Variants in KCNMA1 observed in about 807,000 individuals in gnomAD.
KCNMA1 encodes the protein potassium calcium-activated channel subfamily M alpha 1, also known as Calcium-activated potassium channel subunit alpha-1.
In KCNMA1, 29 loss-of-function variants were observed where a neutral mutation model predicts 140.0. The observed-to-expected ratio is 0.21, with a 90% confidence interval of 0.15 to 0.28. The LOEUF is 0.28. Among genes scored for constraint, KCNMA1 ranks in the 10% least tolerant of loss-of-function variants. The pLI is 1.00. For missense variants in KCNMA1, 880 were observed against 1,602.2 expected (o/e 0.55, Z 7.70); for synonymous variants, 612 against 611.9 (o/e 1.00, Z 0.00).
rs138983946 is a variant in KCNMA1 at position 76,959,161 on chromosome 10, C to T, written c.2361-5237G>A. 1.8e-4 allele frequency among the ~76,000 whole-genome samples: 28 copies of T among 152,304 alleles called. No homozygotes were observed. In the East Asian group the frequency reaches 4.6e-3, roughly 25 times the overall value. On this transcript the variant is annotated intron_variant, in intron 20 of 27. Transcript: ENST00000286628. The stretch of plus-strand genomic sequence containing the variant: ...CTCTGCCAGAGTGGTAACTTCTCTC[C>T]GTCTTTAACTTAGACATGCATTTGA...
chr10:76,969,882 G>C, intron 20 of KCNMA1, 92 bp downstream of exon 20: 1 of 988,824 alleles, frequency 1.0e-6, no homozygotes, highest in South Asian at 1.3e-5. Flanking sequence ...GCTGGGGAGG[G>C]GAGACTCTGG....
intron 2 of KCNMA1, among the ~76,000 whole-genome samples, chr10:77,278,721 A>T (rs2067441562): frequency 6.6e-6 from 1 of 152,252 alleles, no homozygotes; most frequent in Non-Finnish European, 1.5e-5. Context: ...GAATCACATG[A>T]CGATTCGTTA....
Position 76,953,873 on chromosome 10 carries a change from G to A in KCNMA1, c.2412C>T (p.Ser804=). The A allele has an allele frequency of 6.2e-7, 1 of 1,613,972 alleles. No homozygotes were observed. The highest frequency in any genetic ancestry group is 8.5e-7 in the Non-Finnish European group (1 of 1,179,888). The change falls in exon 21 of 28, where the codon TCC becomes TCT. Residue 804 remains serine (S), a synonymous_variant. Coordinates refer to ENST00000286628, the MANE Select transcript of KCNMA1 (RefSeq NM_001161352.2). ...CAGTAGAGTCGTACTTCTTCACATT[G>A]GAGTCCATGTTGTCAATCTGATCAT... ...PGNDQIDNMD[S]NVKKYDSTGM...
intron 25 of KCNMA1, among the ~76,000 whole-genome samples, chr10:76,909,638 C>A (rs1590234241): frequency 6.6e-6 from 1 of 152,026 alleles, no homozygotes; most frequent in East Asian, 1.9e-4. Context: ...ATGCTCTTCC[C>A]CCAAGATCTC....
At chr10:77,170,456 G>T (rs1198541713) in intron 5 of KCNMA1, among the ~76,000 whole-genome samples, 3 of 151,646 alleles carry the variant, frequency 2.0e-5, no homozygotes, top group African/African-American at 4.9e-5. Context: ...TCCATCCCTG[G>T]GAGAAGGTCG....
At chr10:77,478,161 C>G (rs2098316183) in intron 1 of KCNMA1, among the ~76,000 whole-genome samples, 1 of 152,182 alleles carries the variant, frequency 6.6e-6, no homozygotes, top group Admixed American at 6.5e-5. Flanking sequence ...ATTTACCCTG[C>G]TTGCGTTTTA....
intron 2 of KCNMA1, among the ~76,000 whole-genome samples, chr10:77,255,432 T>G (rs2154258359): frequency 6.6e-6 from 1 of 151,942 alleles, no homozygotes; most frequent in East Asian, 1.9e-4. Context: ...AAACCCTGGC[T>G]CTACCAAAAA....
chr10:77,394,935 C>T (rs946767316), intron 2 of KCNMA1, among the ~76,000 whole-genome samples: 34 of 152,118 alleles, frequency 2.2e-4, no homozygotes, highest in Non-Finnish European at 4.4e-4. Context: ...CAGCCACAGA[C>T]GATACGTAAA....
intron 25 of KCNMA1, 30 bp downstream of exon 25, chr10:76,909,936 G>GA: frequency 6.2e-7 from 1 of 1,609,106 alleles, no homozygotes; most frequent in Non-Finnish European, 8.5e-7. Flanking sequence ...CTCCACCCTT[G>GA]AGTGAGGAGG....
intron 25 of KCNMA1, among the ~76,000 whole-genome samples, chr10:76,896,890 A>T (rs776571143): frequency 6.6e-6 from 1 of 152,122 alleles, no homozygotes; most frequent in African/African-American, 2.4e-5. Context: ...CGTACACTTT[A>T]AATGGATGAG....
intron 19 of KCNMA1, among the ~76,000 whole-genome samples, chr10:76,992,549 G>C (rs1460745072): frequency 6.6e-6 from 1 of 152,198 alleles, no homozygotes; most frequent in Non-Finnish European, 1.5e-5. Context: ...GCCCCAGAGA[G>C]AGAAGGACAA....
intron 2 of KCNMA1, among the ~76,000 whole-genome samples, chr10:77,256,498 A>G (rs1600219465): frequency 6.6e-6 from 1 of 152,328 alleles, no homozygotes; most frequent in East Asian, 1.9e-4. Context: ...ATTAGGAGAA[A>G]CCACTTAGCT....
At chr10:77,013,261 CAG>C (rs1394455816) in intron 17 of KCNMA1, among the ~76,000 whole-genome samples, 3 of 152,158 alleles carry the variant, frequency 2.0e-5, no homozygotes, top group African/African-American at 7.2e-5. Context: ...CTCTGGGACT[CAG>C]TGTCCTCATC....
chr10:77,413,464 T>A (rs2096666469), intron 1 of KCNMA1, among the ~76,000 whole-genome samples: 1 of 152,126 alleles, frequency 6.6e-6, no homozygotes, highest in Non-Finnish European at 1.5e-5. Context: ...TAATCCTGCA[T>A]ATTAGGGTAT....
At chr10:77,456,301 G>C (rs768890893) in intron 1 of KCNMA1, among the ~76,000 whole-genome samples, 1 of 152,154 alleles carries the variant, frequency 6.6e-6, no homozygotes, top group Non-Finnish European at 1.5e-5. Flanking sequence ...ACCTTGGAAA[G>C]CTGGCTCCTT....
intron 5 of KCNMA1, among the ~76,000 whole-genome samples, chr10:77,174,641 T>G (rs1205106215): frequency 2.0e-5 from 3 of 152,228 alleles, no homozygotes; most frequent in African/African-American, 7.2e-5. Flanking sequence ...ATTGTGGTTT[T>G]GGCCATTTTT....
intron 2 of KCNMA1, among the ~76,000 whole-genome samples, chr10:77,286,416 C>T (rs1043468908): frequency 1.3e-5 from 2 of 152,180 alleles, no homozygotes; most frequent in African/African-American, 4.8e-5. Context: ...ATAACCCTCT[C>T]CTCATTGGAG....
chr10:77,599,812 G>A (rs562842584), intron 1 of KCNMA1, among the ~76,000 whole-genome samples: 3 of 152,222 alleles, frequency 2.0e-5, no homozygotes, highest in Admixed American at 6.5e-5. Flanking sequence ...CCTGGGACCC[G>A]GAAGATAATG....
intron 15 of KCNMA1, among the ~76,000 whole-genome samples, chr10:77,031,516 A>G (rs1381611209): frequency 1.3e-5 from 2 of 152,232 alleles, no homozygotes; most frequent in African/African-American, 2.4e-5. Flanking sequence ...TCCTCTAGAT[A>G]TTGCAAAATA....
Sources: gnomAD v4.1 joint callset for allele counts (sites outside exome capture counted in the v4.1 genomes callset) on GRCh38, gnomAD v4.1.1 for gene constraint, MANE v1.5 for transcripts, NCBI Gene and HGNC (gene_info 2026-07-23, HGNC 2026-07-21) for gene names.